Variants in DNAJC15 observed in about 807,000 individuals in gnomAD.
DNAJC15 encodes the protein dnaJ homolog subfamily C member 15.
In DNAJC15, 27 loss-of-function variants were observed where a neutral mutation model predicts 22.4. The observed-to-expected ratio is 1.20, with a 90% CI of 0.89 to 1.66. The LOEUF is 1.66. Ranked by LOEUF, DNAJC15 falls within the 40% of genes most tolerant of loss-of-function variation. The pLI is 0.00. For synonymous variants in DNAJC15, 79 were observed against 63.2 expected, an observed-to-expected ratio of 1.25 and a Z score of -1.19; for missense variants, 208 against 187.1, an observed-to-expected ratio of 1.11 and a Z score of -0.65.
At position 43,078,598 on chromosome 13, in the gene DNAJC15, T is replaced by A; in HGVS notation, c.235-14T>A. The stretch of plus-strand genomic sequence containing the variant: ...GTGGAACTAATGATTTCTTGCTCTT[T>A]CTTTCCTATACAGAGCTTTTCATCC... On this transcript the variant is annotated splice_polypyrimidine_tract_variant and intron_variant, in intron 3 of 5. Transcript: ENST00000379221. 1 of 1,608,816 alleles carries A rather than the reference T, an allele frequency of 6.2e-7. No individual in the cohort carries two copies. Among genetic ancestry groups the A allele is most frequent in the Non-Finnish European group, 8.5e-7 (1 of 1,176,438 alleles).
intron 1 of DNAJC15, among the ~76,000 whole-genome samples, chr13:43,050,578 A>G (rs2040498359): frequency 1.3e-5 from 2 of 152,034 alleles, no homozygotes; most frequent in South Asian, 4.1e-4. Flanking sequence ...CTTACTTCAG[A>G]TTACAAAATA....
Position 43,036,308 on chromosome 13 carries a change from GGTCGCACCACCACACCCAGT to G in DNAJC15, c.108+12576_108+12595del, listed in dbSNP as rs529529909. Among the ~76,000 whole-genome samples, 19 of 152,050 alleles carry G rather than the reference GGTCGCACCACCACACCCAGT, an allele frequency of 1.2e-4. No individual in the cohort carries two copies. In the South Asian group the frequency reaches 3.3e-3, roughly 27 times the overall value. ...AGCTTCCCAAGTAGCTGGGACTACG[GGTCGCACCACCACACCCAGT>G]GCAGCCCTCAACAGAGAGGAGACTG... On this transcript the variant is annotated intron_variant, in intron 1 of 5. Coordinates refer to ENST00000379221, the MANE Select transcript of DNAJC15 (RefSeq NM_013238.3).
At chr13:43,086,781 C>G (rs1224834568) in intron 5 of DNAJC15, among the ~76,000 whole-genome samples, 2 of 152,176 alleles carry the variant, frequency 1.3e-5, no homozygotes, top group Non-Finnish European at 2.9e-5. Flanking sequence ...AGCTAATTTA[C>G]TTTGCATTGT....
intron 5 of DNAJC15, among the ~76,000 whole-genome samples, chr13:43,096,346 CTATT>C (rs750653979): frequency 2.6e-4 from 39 of 152,176 alleles, no homozygotes; most frequent in Non-Finnish European, 4.9e-4. Context: ...CTGCAATCCT[CTATT>C]TATTTGTTAT....
Position 43,092,551 on chromosome 13 carries a change from G to C in DNAJC15, c.382+6713G>C, listed in dbSNP as rs183889640. On this transcript the variant is annotated intron_variant, in intron 5 of 5. Coordinates refer to ENST00000379221, the MANE Select transcript of DNAJC15 (RefSeq NM_013238.3). ...AAATGTTACTTTTTGTTTTCTATTT[G>C]ACTCACCTATATTCCTTTTTCTGAC... Among the ~76,000 whole-genome samples the C allele has an allele frequency of 8.8e-4, 134 of 151,690 alleles. 1 individual carries two copies. The highest frequency in any genetic ancestry group is 3.0e-3 in the African/African-American group (126 of 41,312).
At chr13:43,034,881 A>C (rs962037451) in intron 1 of DNAJC15, among the ~76,000 whole-genome samples, 3 of 152,094 alleles carry the variant, frequency 2.0e-5, no homozygotes, top group Non-Finnish European at 4.4e-5. Flanking sequence ...CCCCAGTCCC[A>C]AAATCAGGCA....
intron 1 of DNAJC15, among the ~76,000 whole-genome samples, chr13:43,039,658 G>C (rs2040444165): frequency 6.6e-6 from 1 of 152,158 alleles, no homozygotes; most frequent in African/African-American, 2.4e-5. Flanking sequence ...CTGTTGGTTG[G>C]GTGAAAAAGG....
At chr13:43,042,882 A>T (rs2040460264) in intron 1 of DNAJC15, among the ~76,000 whole-genome samples, 1 of 152,216 alleles carries the variant, frequency 6.6e-6, no homozygotes, top group Non-Finnish European at 1.5e-5. Flanking sequence ...TGTTTGACTA[A>T]CTGGGTAAGC....
In DNAJC15 at chr13:43,023,674, C is replaced by A. The variant is rs944329340; in HGVS notation, c.48C>A (p.Tyr16Ter). 1 of 1,612,916 alleles carries A rather than the reference C, an allele frequency of 6.2e-7. No homozygotes were observed. The highest frequency in any genetic ancestry group is 8.5e-7 in the Non-Finnish European group (1 of 1,179,586). ...VIAPVGESLRYAEYLQPSAKR... is the reference protein window; with the variant it reads ...VIAPVGESLR ...CTCCAGTTGGCGAGAGTTTGCGCTA[C>A]GCTGAGTACTTGCAGCCCTCGGCCA... The change falls in exon 1 of 6, where the codon TAC becomes TAA. Residue 16 changes from tyrosine to a stop codon, truncating the protein, a stop_gained. Transcript: ENST00000379221. LOFTEE classifies it high-confidence loss of function.
At position 43,023,639 on chromosome 13, in the gene DNAJC15, G is replaced by C. The variant is rs2153439112; in HGVS notation, c.13G>C (p.Gly5Arg). ...GGGCCGCCTTGCCATGGCTGCCCGT[G>C]GTGTCATCGCTCCAGTTGGCGAGAG... MAAR[G>R]VIAPVGESLR... Residue 5 changes from glycine (G) to arginine (R), a missense_variant, in exon 1 of 6, where the codon GGT becomes CGT. By Grantham distance (125) the Gly-to-Arg change is moderately radical (BLOSUM62 -2). Transcript: ENST00000379221. 6.2e-7 allele frequency: 1 copy of C among 1,611,384 alleles called. No individual in the cohort carries two copies. The highest frequency in any genetic ancestry group is 8.5e-7 in the Non-Finnish European group (1 of 1,178,984).
intron 3 of DNAJC15, among the ~76,000 whole-genome samples, chr13:43,078,354 C>G (rs2040645399): frequency 6.6e-6 from 1 of 152,112 alleles, no homozygotes; most frequent in African/African-American, 2.4e-5. Flanking sequence ...TTCTACCAGT[C>G]TGTTTTGTTC....
chr13:43,089,544 C>T (rs1370742329), intron 5 of DNAJC15, among the ~76,000 whole-genome samples: 1 of 152,070 alleles, frequency 6.6e-6, no homozygotes, highest in African/African-American at 2.4e-5. Context: ...ATGTGCAAAG[C>T]CTCTGAGGGA....
intron 5 of DNAJC15, among the ~76,000 whole-genome samples, chr13:43,089,202 GA>G (rs2040702982): frequency 6.6e-6 from 1 of 152,146 alleles, no homozygotes; most frequent in South Asian, 2.1e-4. Context: ...AGATTGATAG[GA>G]AACAACCTGA....
intron 4 of DNAJC15, among the ~76,000 whole-genome samples, chr13:43,082,559 G>A (rs80307951): frequency 6.6e-6 from 1 of 152,196 alleles, no homozygotes; most frequent in Non-Finnish European, 1.5e-5. Context: ...TATCTTAAAG[G>A]CAGAGTGTTT....
At chr13:43,046,222 C>T (rs959616777) in intron 1 of DNAJC15, among the ~76,000 whole-genome samples, 4 of 151,688 alleles carry the variant, frequency 2.6e-5, no homozygotes, top group East Asian at 1.9e-4. Flanking sequence ...CTTTGTCTTC[C>T]GTGAGACTTT....
At chr13:43,052,398 G>C (rs1045197825) in intron 1 of DNAJC15, among the ~76,000 whole-genome samples, 3 of 151,826 alleles carry the variant, frequency 2.0e-5, no homozygotes, top group Non-Finnish European at 2.9e-5. Flanking sequence ...CTTCTTTTGA[G>C]AATTGTCTGT....
At chr13:43,051,626 T>G (rs550580239) in intron 1 of DNAJC15, among the ~76,000 whole-genome samples, 1 of 150,892 alleles carries the variant, frequency 6.6e-6, no homozygotes, top group African/African-American at 2.5e-5. Flanking sequence ...GGCTGAGTAG[T>G]ACTTCATGGT....
intron 4 of DNAJC15, among the ~76,000 whole-genome samples, chr13:43,079,561 A>G (rs1272727745): frequency 7.2e-5 from 11 of 152,110 alleles, no homozygotes; most frequent in Non-Finnish European, 1.3e-4. Flanking sequence ...GAAAATAGGA[A>G]ATGATTTTAA....
At chr13:43,034,247 C>CTTAAAT (rs1280887983) in intron 1 of DNAJC15, among the ~76,000 whole-genome samples, 2 of 146,006 alleles carry the variant, frequency 1.4e-5, no homozygotes, top group African/African-American at 5.1e-5. Flanking sequence ...CTCTCCACTC[C>CTTAAAT]TTAAATGTAG....
Sources: gnomAD v4.1 joint callset for allele counts (sites outside exome capture counted in the v4.1 genomes callset) on GRCh38, gnomAD v4.1.1 for gene constraint, MANE v1.5 for transcripts, NCBI Gene and HGNC (gene_info 2026-07-23, HGNC 2026-07-21) for gene names.